CD2AP: variants seen among roughly 807,000 people sequenced by gnomAD.
CD2AP encodes CD2-associated protein.
CD2AP carries 46 observed loss-of-function variants against 85.1 expected under a neutral mutation model. The ratio of observed to expected loss-of-function variants is 0.54; its 90% CI spans 0.43 to 0.69. The LOEUF is 0.69. CD2AP is among the 30% of genes least tolerant of loss of function. CD2AP has a pLI of 0.00. For missense variants in CD2AP, 769 were observed against 729.5 expected (o/e 1.05, Z -0.62); for synonymous variants, 255 against 252.9 (o/e 1.01, Z -0.08).
intron 2 of CD2AP, among the ~76,000 whole-genome samples, chr6:47,519,373 G>A (rs1163926045): frequency 2.0e-5 from 3 of 152,020 alleles, no homozygotes; most frequent in Non-Finnish European, 4.4e-5. Context: ...TGATGGTTTG[G>A]GTTTCTAGCT....
In CD2AP at chr6:47,477,924, C is replaced by T; in HGVS notation, c.-321C>T. The T allele has an allele frequency of 2.1e-6, 1 of 485,738 alleles. No individual in the cohort carries two copies. The highest frequency in any genetic ancestry group is 3.7e-6 in the Non-Finnish European group (1 of 271,580). 30.1% of individuals were successfully genotyped at this position (485,738 alleles called of 1,614,324 possible). ...CGAGGGTCTGGGCAAACCGGTGGGT[C>T]CCTCCCCACTGCGGGAGCGGCCAGG... On this transcript the variant is annotated 5_prime_UTR_variant, in exon 1 of 18. Transcript: ENST00000359314.
chr6:47,585,252 G>C (rs185885161), intron 11 of CD2AP, among the ~76,000 whole-genome samples: 1 of 151,192 alleles, frequency 6.6e-6, no homozygotes, highest in Admixed American at 6.6e-5. Flanking sequence ...GCAGTGAGCC[G>C]ATATTGCGCC....
chr6:47,604,392 G>A (rs1461971875), intron 13 of CD2AP, among the ~76,000 whole-genome samples: 2 of 151,990 alleles, frequency 1.3e-5, no homozygotes, highest in Non-Finnish European at 2.9e-5. Flanking sequence ...TGGACATACA[G>A]AAGACATTTT....
chr6:47,538,262 A>G (rs1370831532), intron 3 of CD2AP, among the ~76,000 whole-genome samples: 2 of 152,034 alleles, frequency 1.3e-5, no homozygotes, highest in African/African-American at 4.8e-5. Flanking sequence ...ATTTTTTGAG[A>G]CAGAGTTTCG....
chr6:47,551,940 C>A (rs1464046231), intron 4 of CD2AP, among the ~76,000 whole-genome samples: 7 of 152,112 alleles, frequency 4.6e-5, no homozygotes, highest in South Asian at 4.2e-4. Context: ...GCAAGCATTT[C>A]AGCACATATT....
intron 1 of CD2AP, among the ~76,000 whole-genome samples, chr6:47,495,332 A>T (rs1765833362): frequency 6.6e-6 from 1 of 152,128 alleles, no homozygotes. Flanking sequence ...TAGAGGTTGG[A>T]GTTACGTAAG....
At chr6:47,519,507 C>CCA (rs572731583) in intron 2 of CD2AP, among the ~76,000 whole-genome samples, 70 of 152,264 alleles carry the variant, frequency 4.6e-4, no homozygotes, top group African/African-American at 1.7e-3. Context: ...GCCACTATAT[C>CCA]CACACAAGTA....
At chr6:47,601,581 T>C (rs866499080) in intron 13 of CD2AP, among the ~76,000 whole-genome samples, 10 of 152,028 alleles carry the variant, frequency 6.6e-5, no homozygotes, top group African/African-American at 2.4e-4. Flanking sequence ...TGGAAGTCAG[T>C]AGTGTATGTC....
At chr6:47,507,555 C>A (rs1417197223) in intron 2 of CD2AP, among the ~76,000 whole-genome samples, 1 of 152,098 alleles carries the variant, frequency 6.6e-6, no homozygotes, top group Non-Finnish European at 1.5e-5. Flanking sequence ...CTCCCTAGTT[C>A]AAGCGATTCT....
intron 13 of CD2AP, among the ~76,000 whole-genome samples, chr6:47,603,133 A>G (rs1769185599): frequency 6.6e-6 from 1 of 152,046 alleles, no homozygotes; most frequent in Non-Finnish European, 1.5e-5. Context: ...GTGAGCCTAT[A>G]TCTAAACTAG....
chr6:47,595,538 GT>G (rs1444824241), intron 11 of CD2AP, among the ~76,000 whole-genome samples: 1 of 151,984 alleles, frequency 6.6e-6, no homozygotes, highest in Non-Finnish European at 1.5e-5. Flanking sequence ...GTAAAATCAT[GT>G]GTGGTTGTAT....
intron 2 of CD2AP, among the ~76,000 whole-genome samples, chr6:47,508,307 TGTCA>T (rs1766228000): frequency 6.6e-6 from 1 of 152,244 alleles, no homozygotes; most frequent in South Asian, 2.1e-4. Context: ...GCAGCTTCTC[TGTCA>T]GCACTAGCTG....
At chr6:47,504,335 G>A (rs1292248357) in intron 2 of CD2AP, among the ~76,000 whole-genome samples, 1 of 152,212 alleles carries the variant, frequency 6.6e-6, no homozygotes, top group East Asian at 1.9e-4. Flanking sequence ...TACCTGCACA[G>A]AATGGATACA....
In CD2AP at chr6:47,505,626, AC is replaced by A. The variant is rs1370439585; in HGVS notation, c.165+2194del. ...GCGGCTGGCCGGGCGGGGGGGGCTG[AC>A]CCCCCCCACCTCCCTCCCGGACGGG... On this transcript the variant is annotated intron_variant, in intron 2 of 17. Transcript: ENST00000359314. Among the ~76,000 whole-genome samples, 111 of 74,550 alleles carry A rather than the reference AC, an allele frequency of 1.5e-3. 1 individual carries two copies. The highest frequency in any genetic ancestry group is 8.6e-3 in the Middle Eastern group (1 of 116). 48.9% of individuals were successfully genotyped at this position (74,550 alleles called of 152,430 possible).
chr6:47,526,487 A>G lies in CD2AP; in HGVS notation c.166-7115A>G, dbSNP rs564953925. Reference sequence around the variant, plus strand: ...TTTTTTAAGTTGCTTTCCCCCTTTTATTTGTATCTTTTGTCTTCAGAAGAT... The same window carrying G: ...TTTTTTAAGTTGCTTTCCCCCTTTTGTTTGTATCTTTTGTCTTCAGAAGAT... On this transcript the variant is annotated intron_variant, in intron 2 of 17. Transcript: ENST00000359314. 1.1e-3 allele frequency among the ~76,000 whole-genome samples: 163 copies of G among 152,028 alleles called. No individual in the cohort carries two copies. In the South Asian group the frequency reaches 0.012, roughly 11 times the overall value.
chr6:47,533,719 A>G lies in CD2AP; in HGVS notation c.283A>G (p.Ile95Val), dbSNP rs1562020088. 6.2e-7 allele frequency: 1 copy of G among 1,614,138 alleles called. No homozygotes were observed. Among genetic ancestry groups the G allele is most frequent in the Non-Finnish European group, 8.5e-7 (1 of 1,179,992 alleles). Residue 95 changes from isoleucine (I) to valine (V), a missense_variant, in exon 3 of 18, where the codon ATT becomes GTT. Coordinates refer to ENST00000359314, the MANE Select transcript of CD2AP (RefSeq NM_012120.3). The stretch of plus-strand genomic sequence containing the variant: ...CACCTATGGACTTCCAGCTGGAGGA[A>G]TTCAGCCACATCCACAAACCAAAAA... ...ISTYGLPAGG[I>V]QPHPQTKNIK...
At chr6:47,534,803 CT>C (rs34533492) in intron 3 of CD2AP, among the ~76,000 whole-genome samples, 220 of 146,042 alleles carry the variant, frequency 1.5e-3, no homozygotes, top group Non-Finnish European at 1.5e-3. Flanking sequence ...AGATTGAATA[CT>C]TTTTTTTTTT....
Position 47,566,536 on chromosome 6 carries a change from A to C in CD2AP, c.542-7528A>C, listed in dbSNP as rs372069157. ...AAGTTCTGGGATACATATGCAGAACATGCAGGTTTGTTACATAGGTATAAG... is the reference window on the plus strand; with the variant it reads ...AAGTTCTGGGATACATATGCAGAACCTGCAGGTTTGTTACATAGGTATAAG... On this transcript the variant is annotated intron_variant, in intron 5 of 17. Coordinates refer to ENST00000359314, the MANE Select transcript of CD2AP (RefSeq NM_012120.3). Among the ~76,000 whole-genome samples the C allele has an allele frequency of 5.3e-5, 8 of 152,048 alleles. No homozygotes were observed. In the East Asian group the frequency reaches 1.5e-3, roughly 29 times the overall value.
chr6:47,505,011 C>CTTTTTTTTTTTTGT (rs1766095753), intron 2 of CD2AP, among the ~76,000 whole-genome samples: 1 of 95,138 alleles, frequency 1.1e-5, no homozygotes, highest in Non-Finnish European at 1.9e-5. Flanking sequence ...GTGGCAGTTT[C>CTTTTTTTTTTTTGT]TTTTTTTTTT....
Sources: allele counts gnomAD v4.1 joint callset (sites outside exome capture counted in the v4.1 genomes callset), GRCh38; gene constraint gnomAD v4.1.1; transcripts MANE v1.5; gene names NCBI Gene and HGNC (gene_info 2026-07-23, HGNC 2026-07-21).